YAF2: variants seen among roughly 807,000 people sequenced by gnomAD.
YAF2 encodes the protein YY1-associated factor 2.
Under a neutral mutation model 20.1 loss-of-function variants are expected in YAF2, and 7 were observed. The observed-to-expected ratio is 0.35, with a 90% CI of 0.20 to 0.65. The LOEUF (loss-of-function observed/expected upper bound fraction) is 0.65. Among genes scored for constraint, YAF2 ranks in the 30% least tolerant of loss-of-function variants. The probability of loss-of-function intolerance (pLI) is 0.69; values close to 1 mark genes in which losing one functional copy is unlikely to be tolerated. For missense variants in YAF2, 151 were observed against 219.2 expected, an observed-to-expected ratio of 0.69 and a Z score of 1.96; for synonymous variants, 74 against 76.0, an observed-to-expected ratio of 0.97 and a Z score of 0.14.
In YAF2 at chr12:42,212,506, A is replaced by G. The variant is rs558187340; in HGVS notation, c.152+25093T>C. ...CATTCTATGGAAACAAAGAAAGTGT[A>G]TAGTTTTTCCTTTAAGAATAGTCTA... On this transcript the variant is annotated intron_variant, in intron 2 of 3. Coordinates refer to ENST00000534854, the MANE Select transcript of YAF2 (RefSeq NM_005748.6). 1.2e-4 allele frequency: 51 copies of G among 434,084 alleles called. 1 individual carries two copies. Among genetic ancestry groups the G allele is most frequent in the African/African-American group, 9.6e-4 (47 of 49,108 alleles). 26.9% of individuals were successfully genotyped at this position (434,084 alleles called of 1,614,324 possible).
intron 2 of YAF2, among the ~76,000 whole-genome samples, chr12:42,217,571 G>A (rs2067392766): frequency 6.6e-6 from 1 of 152,098 alleles, no homozygotes; most frequent in Non-Finnish European, 1.5e-5. Context: ...GATGGGCATT[G>A]AGAATTTTAA....
chr12:42,199,792 A>T (rs932941513), intron 2 of YAF2, among the ~76,000 whole-genome samples: 1 of 149,050 alleles, frequency 6.7e-6, no homozygotes, highest in South Asian at 2.1e-4. Context: ...CTATTAGCTT[A>T]AAAAAAAAAG....
intron 2 of YAF2, chr12:42,232,326 T>C (rs1352122657): frequency 2.8e-6 from 2 of 726,716 alleles, no homozygotes; most frequent in Non-Finnish European, 3.4e-6. Context: ...TTCAAATTAT[T>C]ATAAAAACAG....
At chr12:42,181,315 TCTC>T (rs1214438789) in intron 2 of YAF2, among the ~76,000 whole-genome samples, 2 of 152,230 alleles carry the variant, frequency 1.3e-5, no homozygotes, top group African/African-American at 2.4e-5. Context: ...CCTTACTACT[TCTC>T]CTACTGCTTT....
rs184888780 is a variant in YAF2, at chr12:42,172,881, A to G, written c.153-11116T>C. On this transcript the variant is annotated intron_variant, in intron 2 of 3. Coordinates refer to ENST00000534854, the MANE Select transcript of YAF2 (RefSeq NM_005748.6). ...TACGGCATTATGCTAAGTGAAAAAC[A>G]CCAGTCATTAAAGACCACATATTCT... Among the ~76,000 whole-genome samples the G allele has an allele frequency of 4.9e-3, 749 of 152,326 alleles. 5 individuals are homozygous for G. The highest frequency in any genetic ancestry group is 0.017 in the African/African-American group (723 of 41,558).
chr12:42,207,478 T>A (rs1340210716), intron 2 of YAF2, among the ~76,000 whole-genome samples: 1 of 152,066 alleles, frequency 6.6e-6, no homozygotes, highest in African/African-American at 2.4e-5. Context: ...ATTAATAATA[T>A]TATACTAAAT....
At chr12:42,181,395 T>C (rs936106040) in intron 2 of YAF2, among the ~76,000 whole-genome samples, 1 of 152,208 alleles carries the variant, frequency 6.6e-6, no homozygotes, top group African/African-American at 2.4e-5. Context: ...GCAGTAGTAT[T>C]ATTGCCCCTT....
chr12:42,204,446 A>G (rs2066984523), intron 2 of YAF2, among the ~76,000 whole-genome samples: 1 of 152,240 alleles, frequency 6.6e-6, no homozygotes, highest in Non-Finnish European at 1.5e-5. Context: ...GCAATACAAT[A>G]TAACAACTAT....
chr12:42,161,504 A>C, intron 3 of YAF2, 109 bp downstream of exon 3: 1 of 1,259,634 alleles, frequency 7.9e-7, no homozygotes. Context: ...CTTATAATAA[A>C]GGAGACCAAA....
intron 2 of YAF2, among the ~76,000 whole-genome samples, chr12:42,211,702 C>A (rs1462987805): frequency 6.8e-6 from 1 of 146,118 alleles, no homozygotes; most frequent in Non-Finnish European, 1.5e-5. Flanking sequence ...CCAAGTCGTG[C>A]CATTGCACTC....
At chr12:42,203,021 G>C (rs12313448) in intron 2 of YAF2, among the ~76,000 whole-genome samples, 1,529 of 151,106 alleles carry the variant, frequency 0.01, 32 homozygotes, top group African/African-American at 0.036. Flanking sequence ...AAACTATCTT[G>C]GTTATTCTTG....
chr12:42,167,426 T>C (rs538803051), intron 2 of YAF2, among the ~76,000 whole-genome samples: 18 of 152,294 alleles, frequency 1.2e-4, no homozygotes, highest in African/African-American at 4.3e-4. Flanking sequence ...AAAAGGTCCA[T>C]ATGGTAATTT....
chr12:42,159,041 T>C lies in YAF2; in HGVS notation c.*1548A>G, dbSNP rs1565590290. The C allele has an allele frequency of 6.6e-6, 1 of 152,150 alleles. No individual in the cohort carries two copies. The highest frequency in any genetic ancestry group is 1.5e-5 in the Non-Finnish European group (1 of 67,994). 9.4% of individuals were successfully genotyped at this position (152,150 alleles called of 1,614,324 possible). On this transcript the variant is annotated 3_prime_UTR_variant, in exon 4 of 4. Transcript: ENST00000534854. The stretch of plus-strand genomic sequence containing the variant: ...TTTAACAACACTAAAGAATGAGGTA[T>C]ATAAATGTTTTAATCACAGACTTTT...
At chr12:42,167,435 T>C (rs137926859) in intron 2 of YAF2, among the ~76,000 whole-genome samples, 2 of 152,192 alleles carry the variant, frequency 1.3e-5, no homozygotes, top group African/African-American at 4.8e-5. Flanking sequence ...ATATGGTAAT[T>C]TCAAAAAATA....
Position 42,234,107 on chromosome 12 carries a change from G to T in YAF2, c.152+3492C>A, listed in dbSNP as rs2068061492. ...AATTGCTTGAACCTGGGAGGTGGAG[G>T]TTGCAGTGAGCCGAGGTCACGCCAC... On this transcript the variant is annotated intron_variant, in intron 2 of 3. Coordinates refer to ENST00000534854, the MANE Select transcript of YAF2 (RefSeq NM_005748.6). The T allele has an allele frequency of 1.2e-5, 9 of 743,214 alleles. No homozygotes were observed. The South Asian group carries it at 4.8e-4, about 40-fold the overall frequency. The allele number at this position is 743,214 out of a possible 1,614,324, so 46.0% of individuals were successfully genotyped here. A position where few individuals can be genotyped will look rare whatever the true frequency, so the allele number is the denominator to read the frequency against.
intron 2 of YAF2, among the ~76,000 whole-genome samples, chr12:42,227,736 CGGG>C (rs1565656828): frequency 6.7e-6 from 1 of 148,736 alleles, no homozygotes; most frequent in Non-Finnish European, 1.5e-5. Flanking sequence ...CCACCCCGTC[CGGG>C]AGGGAGGTGG....
intron 2 of YAF2, among the ~76,000 whole-genome samples, chr12:42,202,077 C>A (rs565682254): frequency 6.6e-6 from 1 of 152,216 alleles, no homozygotes; most frequent in Non-Finnish European, 1.5e-5. Flanking sequence ...TTTATTTTCA[C>A]GTATTGCTTG....
chr12:42,188,382 G>T (rs797018589), intron 2 of YAF2, among the ~76,000 whole-genome samples: 13 of 136,258 alleles, frequency 9.5e-5, no homozygotes, highest in South Asian at 4.7e-4. Flanking sequence ...TATATATTTT[G>T]CTTTTTTTTT....
At chr12:42,230,280 G>A (rs1432722207) in intron 2 of YAF2, among the ~76,000 whole-genome samples, 2 of 151,048 alleles carry the variant, frequency 1.3e-5, no homozygotes, top group East Asian at 1.9e-4. Flanking sequence ...AGAAGAAAGA[G>A]AAGAAAGAGA....
Sources: allele counts gnomAD v4.1 joint callset (sites outside exome capture counted in the v4.1 genomes callset), GRCh38; gene constraint gnomAD v4.1.1; transcripts MANE v1.5; gene names NCBI Gene and HGNC (gene_info 2026-07-23, HGNC 2026-07-21).